NRCAM: variants seen among roughly 807,000 people sequenced by gnomAD.
NRCAM encodes neuronal cell adhesion molecule, also known as NgCAM-related cell adhesion molecule.
NRCAM carries 83 observed loss-of-function variants against 156.5 expected under a neutral mutation model. The observed-to-expected ratio is 0.53, with a 90% CI of 0.44 to 0.64. The LOEUF (loss-of-function observed/expected upper bound fraction) is 0.64. Among genes scored for constraint, NRCAM ranks in the 30% least tolerant of loss-of-function variants. NRCAM has a pLI of 0.00. For missense variants in NRCAM, 1,417 were observed against 1,597.3 expected (o/e 0.89, Z 1.92); for synonymous variants, 538 against 563.9 (o/e 0.95, Z 0.65).
intron 1 of NRCAM, among the ~76,000 whole-genome samples, chr7:108,454,470 C>T (rs1421573811): frequency 6.6e-6 from 1 of 152,160 alleles, no homozygotes; most frequent in East Asian, 1.9e-4. Flanking sequence ...AATGGGGTTG[C>T]TGTGAGAATT....
At chr7:108,316,256 T>TA (rs1428316591) in intron 2 of NRCAM, among the ~76,000 whole-genome samples, 1 of 152,208 alleles carries the variant, frequency 6.6e-6, no homozygotes, top group African/African-American at 2.4e-5. Context: ...GTACACTCTA[T>TA]CTTGCCCTCT....
rs1309172602 is a variant in NRCAM, at chr7:108,413,028, A to AT, written c.-331-13436dup. ...ACACAGGAGTTCAGATACTGATTTC[A>AT]TTTTTTTTGGACATATGCCCAGTTG... is the stretch of plus-strand genomic sequence containing the variant. On this transcript the variant is annotated intron_variant, in intron 1 of 32. Coordinates refer to ENST00000379028, the MANE Select transcript of NRCAM (RefSeq NM_001037132.4). Among the ~76,000 whole-genome samples the AT allele has an allele frequency of 7.9e-5, 12 of 151,974 alleles. No individual in the cohort carries two copies. The East Asian group carries it at 1.5e-3, about 20-fold the overall frequency.
At chr7:108,156,071 C>T (rs763391537) in intron 32 of NRCAM, among the ~76,000 whole-genome samples, 9 of 152,130 alleles carry the variant, frequency 5.9e-5, no homozygotes, top group Non-Finnish European at 1.0e-4. Context: ...AAGTAACATT[C>T]ATGACCCAAA....
intron 14 of NRCAM, among the ~76,000 whole-genome samples, chr7:108,197,316 T>A (rs2075676847): frequency 6.6e-6 from 1 of 152,160 alleles, no homozygotes; most frequent in African/African-American, 2.4e-5. Flanking sequence ...GGCTTACTGA[T>A]GGTAATTTTG....
rs112949597 is a variant in NRCAM, at chr7:108,273,958, A to T, written c.-106-33788T>A. ...AGGGATCTAGTTTCAACTTCTACAT[A>T]TGGCTAGCCAGTTTGCCCAGCACCA... On this transcript the variant is annotated intron_variant, in intron 3 of 32. Coordinates refer to ENST00000379028, the MANE Select transcript of NRCAM (RefSeq NM_001037132.4). Among the ~76,000 whole-genome samples, 1,361 of 152,298 alleles carry T rather than the reference A, an allele frequency of 8.9e-3. 33 individuals carry two copies. The highest frequency in any genetic ancestry group is 0.031 in the African/African-American group (1,291 of 41,562).
chr7:108,310,422 C>T (rs1025308450), intron 3 of NRCAM, among the ~76,000 whole-genome samples: 6 of 152,086 alleles, frequency 3.9e-5, no homozygotes, highest in African/African-American at 9.7e-5. Context: ...TAATGGCAAA[C>T]GTGAGCAGTT....
chr7:108,209,560 G>C lies in NRCAM; in HGVS notation c.936C>G (p.Pro312=). The C allele has an allele frequency of 6.2e-7, 1 of 1,611,362 alleles. No homozygotes were observed. The highest frequency in any genetic ancestry group is 8.5e-7 in the Non-Finnish European group (1 of 1,179,050). Residue 312 remains proline, a synonymous_variant, in exon 12 of 33, where the codon CCC becomes CCG. Coordinates refer to ENST00000379028, the MANE Select transcript of NRCAM (RefSeq NM_001037132.4). Reference sequence around the variant, plus strand: ...AGTTCTTATAAACTGTCCTGTTTTTGGGTAGCATTCCATCTTCCTTTGCCC... The same window carrying C: ...AGTTCTTATAAACTGTCCTGTTTTTCGGTAGCATTCCATCTTCCTTTGCCC... ...IYWAKEDGML[P]KNRTVYKNFE...
At chr7:108,444,613 C>T (rs1842414004) in intron 1 of NRCAM, among the ~76,000 whole-genome samples, 1 of 152,156 alleles carries the variant, frequency 6.6e-6, no homozygotes, top group Admixed American at 6.5e-5. Flanking sequence ...GGTTTGCTGG[C>T]AACCTTTGGC....
At chr7:108,202,473 T>A (rs950522219) in intron 13 of NRCAM, among the ~76,000 whole-genome samples, 6 of 152,222 alleles carry the variant, frequency 3.9e-5, no homozygotes, top group Non-Finnish European at 4.4e-5. Context: ...ACTGGTTTGT[T>A]CAAATGAGGT....
At chr7:108,433,077 ATACTTGG>A (rs1253675658) in intron 1 of NRCAM, among the ~76,000 whole-genome samples, 13 of 152,306 alleles carry the variant, frequency 8.5e-5, no homozygotes, top group African/African-American at 3.1e-4. Flanking sequence ...AGGCCTAATC[ATACTTGG>A]AGCAAGAGTG....
chr7:108,283,644 A>G (rs189421351), intron 3 of NRCAM, among the ~76,000 whole-genome samples: 40 of 152,258 alleles, frequency 2.6e-4, no homozygotes, highest in Non-Finnish European at 5.3e-4. Flanking sequence ...GGTACAGAGA[A>G]TGATATTATC....
chr7:108,239,020 T>C (rs1300233827), intron 4 of NRCAM, among the ~76,000 whole-genome samples: 1 of 152,144 alleles, frequency 6.6e-6, no homozygotes. Flanking sequence ...TTGGAAAGCT[T>C]GCCAAACAGA....
chr7:108,352,764 A>G (rs2099427718), intron 2 of NRCAM, among the ~76,000 whole-genome samples: 1 of 152,196 alleles, frequency 6.6e-6, no homozygotes, highest in African/African-American at 2.4e-5. Context: ...ATTTCAGTCA[A>G]TAGCATGACC....
intron 8 of NRCAM, among the ~76,000 whole-genome samples, chr7:108,227,259 T>G (rs926384555): frequency 6.6e-6 from 1 of 152,178 alleles, no homozygotes; most frequent in Non-Finnish European, 1.5e-5. Context: ...CATAATAATT[T>G]ATTAGTACTT....
intron 2 of NRCAM, among the ~76,000 whole-genome samples, chr7:108,369,314 T>C (rs1356283537): frequency 6.6e-6 from 1 of 152,102 alleles, no homozygotes; most frequent in Non-Finnish European, 1.5e-5. Context: ...ATTATTTACC[T>C]TAGCAAATTT....
At chr7:108,185,735 G>GAAAAAAAAAAA (rs34028548) in intron 20 of NRCAM, among the ~76,000 whole-genome samples, 1 of 128,496 alleles carries the variant, frequency 7.8e-6, no homozygotes, top group Non-Finnish European at 1.6e-5. Flanking sequence ...AGAGAGAGAG[G>GAAAAAAAAAAA]AAAAAAAAAA....
At chr7:108,404,860 C>T (rs547071176) in intron 1 of NRCAM, among the ~76,000 whole-genome samples, 46 of 152,282 alleles carry the variant, frequency 3.0e-4, no homozygotes, top group Non-Finnish European at 5.7e-4. Context: ...CTAGGAAGAA[C>T]GCTAAGCAAG....
chr7:108,268,224 C>A (rs1260794999), intron 3 of NRCAM, among the ~76,000 whole-genome samples: 1 of 152,132 alleles, frequency 6.6e-6, no homozygotes, highest in Non-Finnish European at 1.5e-5. Flanking sequence ...TCATCACAAA[C>A]AGAACTTAAA....
At chr7:108,344,918 T>C (rs12534519) in intron 2 of NRCAM, among the ~76,000 whole-genome samples, 11,382 of 152,188 alleles carry the variant, frequency 0.075, 436 homozygotes, top group East Asian at 0.11. Context: ...CTGCCTTTCA[T>C]TATATGAAGT....
Sources: allele counts gnomAD v4.1 joint callset (sites outside exome capture counted in the v4.1 genomes callset), GRCh38; gene constraint gnomAD v4.1.1; transcripts MANE v1.5; gene names NCBI Gene and HGNC (gene_info 2026-07-23, HGNC 2026-07-21).